The following GRAMD1B variants were observed in gnomAD, a reference collection of about 807,000 sequenced individuals.
GRAMD1B encodes protein Aster-B.
A neutral mutation model predicts 99.7 loss-of-function variants in GRAMD1B; 37 were observed. The ratio of observed to expected loss-of-function variants is 0.37; its 90% CI spans 0.29 to 0.49. The LOEUF is 0.49. GRAMD1B is among the 20% of genes least tolerant of loss of function. GRAMD1B has a pLI of 0.98. For missense variants in GRAMD1B, 888 were observed against 1,009.2 expected, an observed-to-expected ratio of 0.88 and a Z score of 1.63; for synonymous variants, 427 against 387.6, an observed-to-expected ratio of 1.10 and a Z score of -1.19.
intron 1 of GRAMD1B, among the ~76,000 whole-genome samples, chr11:123,416,384 A>G (rs1203890343): frequency 1.3e-5 from 2 of 152,238 alleles, no homozygotes; most frequent in African/African-American, 4.8e-5. Context: ...GAAATCTGAG[A>G]TGCTGACCAG....
At chr11:123,468,698 G>A (rs1245524189) in intron 1 of GRAMD1B, among the ~76,000 whole-genome samples, 1 of 151,366 alleles carries the variant, frequency 6.6e-6, no homozygotes, top group African/African-American at 2.4e-5. Context: ...TCAGGAGGCC[G>A]AGGTGGGAGG....
intron 1 of GRAMD1B, among the ~76,000 whole-genome samples, chr11:123,466,879 T>C (rs1417760157): frequency 6.6e-6 from 1 of 152,184 alleles, no homozygotes; most frequent in Non-Finnish European, 1.5e-5. Flanking sequence ...AGTTAAGTAG[T>C]GATTGAGGCC....
At chr11:123,377,863 T>TC (rs1946742250) in intron 1 of GRAMD1B, among the ~76,000 whole-genome samples, 3 of 152,228 alleles carry the variant, frequency 2.0e-5, no homozygotes, top group Admixed American at 2.0e-4. Context: ...TGGATCGCCT[T>TC]CCACCACCAT....
chr11:123,420,366 G>T (rs1948386839), intron 1 of GRAMD1B, among the ~76,000 whole-genome samples: 1 of 152,128 alleles, frequency 6.6e-6, no homozygotes, highest in Non-Finnish European at 1.5e-5. Flanking sequence ...AAAGACACTT[G>T]GGTAAAAATG....
chr11:123,512,703 CTTTTTTT>C (rs766565214), intron 2 of GRAMD1B, among the ~76,000 whole-genome samples: 5 of 103,012 alleles, frequency 4.9e-5, no homozygotes, highest in East Asian at 3.6e-4. Context: ...CATTGTGAAT[CTTTTTTT>C]TTTTTTTTTT....
intron 9 of GRAMD1B, among the ~76,000 whole-genome samples, 154 bp from the exon 10 acceptor site, chr11:123,605,168 G>T (rs1264871259): frequency 2.0e-5 from 3 of 152,206 alleles, no homozygotes; most frequent in Non-Finnish European, 4.4e-5. Flanking sequence ...CAATGGGGTA[G>T]GCAGGGGATT....
intron 8 of GRAMD1B, among the ~76,000 whole-genome samples, chr11:123,602,932 T>G (rs758224007): frequency 1.3e-5 from 2 of 152,196 alleles, no homozygotes; most frequent in Non-Finnish European, 2.9e-5. Context: ...TCGAACCTCA[T>G]TCTTGGAAGT....
At chr11:123,583,395 C>CAT (rs1555085364) in intron 3 of GRAMD1B, among the ~76,000 whole-genome samples, 2 of 81,120 alleles carry the variant, frequency 2.5e-5, no homozygotes, top group Admixed American at 1.1e-4. Flanking sequence ...TGTATGTGTG[C>CAT]GTGTGTGTGT....
chr11:123,555,647 T>C (rs201624289), intron 2 of GRAMD1B, among the ~76,000 whole-genome samples: 1 of 151,320 alleles, frequency 6.6e-6, no homozygotes, highest in East Asian at 2.0e-4. Context: ...CTGTGCCCAG[T>C]GGAAAAGATG....
chr11:123,446,176 A>T (rs112459981), intron 1 of GRAMD1B, among the ~76,000 whole-genome samples: 5 of 151,304 alleles, frequency 3.3e-5, no homozygotes, highest in Admixed American at 1.3e-4. Context: ...TTTTATTATT[A>T]TTTTTTTTAG....
chr11:123,480,671 T>TTC (rs1202368972), intron 1 of GRAMD1B, 145 bp from the exon 2 acceptor site: 1 of 391,928 alleles, frequency 2.6e-6, no homozygotes, highest in African/African-American at 2.1e-5. Context: ...TAACTGTGCA[T>TTC]TCTCTATGCT....
At chr11:123,465,051 T>C (rs1950599904) in intron 1 of GRAMD1B, among the ~76,000 whole-genome samples, 1 of 152,104 alleles carries the variant, frequency 6.6e-6, no homozygotes. Context: ...GACCGGAGCT[T>C]GGTGGAACAC....
At chr11:123,518,493 G>A (rs1941888505) in intron 2 of GRAMD1B, among the ~76,000 whole-genome samples, 1 of 152,144 alleles carries the variant, frequency 6.6e-6, no homozygotes. Flanking sequence ...CCAATGTATG[G>A]CCTGGCTAAG....
chr11:123,516,486 C>T (rs987501750), intron 2 of GRAMD1B, among the ~76,000 whole-genome samples: 2 of 152,114 alleles, frequency 1.3e-5, no homozygotes, highest in Non-Finnish European at 2.9e-5. Context: ...CAATATGTTC[C>T]GAAGGCACTA....
chr11:123,427,737 G>C (rs183874869), upstream of GRAMD1B, among the ~76,000 whole-genome samples: 12 of 152,168 alleles, frequency 7.9e-5, no homozygotes, highest in East Asian at 2.3e-3. Context: ...TTCAGGCTAA[G>C]AGAGCTCAGG....
intron 1 of GRAMD1B, among the ~76,000 whole-genome samples, chr11:123,401,386 T>C (rs6590000): frequency 0.49 from 74,110 of 152,184 alleles, 19,679 homozygotes; most frequent in African/African-American, 0.72. Context: ...CTGGACCTCA[T>C]CCCCACAGTC....
chr11:123,442,792 A>G (rs1304286842), intron 1 of GRAMD1B, among the ~76,000 whole-genome samples: 1 of 152,118 alleles, frequency 6.6e-6, no homozygotes, highest in Non-Finnish European at 1.5e-5. Flanking sequence ...AAAGGAATAA[A>G]ATAATGGCTA....
intron 1 of GRAMD1B, among the ~76,000 whole-genome samples, chr11:123,454,134 G>C (rs1950008893): frequency 6.6e-6 from 1 of 152,226 alleles, no homozygotes. Flanking sequence ...TCCGCAGGCA[G>C]CTTTGCATCA....
At chr11:123,361,908 G>A (rs545654365) in intron 1 of GRAMD1B, among the ~76,000 whole-genome samples, 1 of 152,354 alleles carries the variant, frequency 6.6e-6, no homozygotes, top group South Asian at 2.1e-4. Context: ...ATGGTAAGTA[G>A]GCACATGGTC....
Sources: allele counts gnomAD v4.1 joint callset (sites outside exome capture counted in the v4.1 genomes callset), GRCh38; gene constraint gnomAD v4.1.1; transcripts MANE v1.5; gene names NCBI Gene and HGNC (gene_info 2026-07-23, HGNC 2026-07-21).